The following PM20D2 variants were observed in gnomAD, a reference collection of about 807,000 sequenced individuals.
PM20D2 encodes the protein peptidase M20 domain containing 2, also known as xaa-Arg dipeptidase.
In PM20D2, 33 loss-of-function variants were observed where a neutral mutation model predicts 42.9. The ratio of observed to expected loss-of-function variants is 0.77; its 90% CI spans 0.58 to 1.03. PM20D2 has a LOEUF of 1.03. PM20D2 is among the 50% of genes least tolerant of loss of function. The pLI is 0.00. For missense variants in PM20D2, 548 were observed against 557.0 expected (o/e 0.98, Z 0.16); for synonymous variants, 250 against 228.2 (o/e 1.10, Z -0.86).
rs779074652 is a variant in PM20D2 at position 89,154,941 on chromosome 6, G to GT, written c.912+39_912+40insT. 7.1e-4 allele frequency: 1,077 copies of GT among 1,513,734 alleles called. 21 individuals carry two copies. In the East Asian group the frequency reaches 0.024, roughly 33 times the overall value. 93.8% of individuals were successfully genotyped at this position (1,513,734 alleles called of 1,614,324 possible). ...AAAGTTAATCTAAGTTACAATCAGA[G>GT]GTATATATGTGGGCTAGCACTGTTA... On this transcript the variant is annotated intron_variant, in intron 4 of 6. Coordinates refer to ENST00000275072, the MANE Select transcript of PM20D2 (RefSeq NM_001010853.3).
intron 1 of PM20D2, among the ~76,000 whole-genome samples, chr6:89,148,198 C>G (rs1770676192): frequency 6.6e-6 from 1 of 151,858 alleles, no homozygotes; most frequent in South Asian, 2.1e-4. Flanking sequence ...TGGCTGGTAT[C>G]GAACTCCGGA....
At chr6:89,158,720 G>T (rs1001074991) in intron 5 of PM20D2, among the ~76,000 whole-genome samples, 1 of 152,088 alleles carries the variant, frequency 6.6e-6, no homozygotes, top group African/African-American at 2.4e-5. Flanking sequence ...TTTAAGTTTC[G>T]TTAGTTTTAA....
chr6:89,123,736 AAAG>A, the PM20D2 span, among the ~76,000 whole-genome samples: 1 of 149,238 alleles, frequency 6.7e-6, no homozygotes, highest in Non-Finnish European at 1.5e-5. Flanking sequence ...AAAAAAAAAA[AAAG>A]GTTTATAGAC....
chr6:89,113,533 T>C, the PM20D2 span, among the ~76,000 whole-genome samples: 1 of 152,098 alleles, frequency 6.6e-6, no homozygotes, highest in African/African-American at 2.4e-5. Flanking sequence ...CATCTCGAAC[T>C]CCTGACCTCA....
At chr6:89,117,788 C>G in the PM20D2 span, 1 of 1,532,156 alleles carries the variant, frequency 6.5e-7, no homozygotes, top group Non-Finnish European at 8.7e-7. Context: ...CCCGCCCCTC[C>G]TCCGCGCCCC....
chr6:89,158,066 C>T (rs1168002706), intron 4 of PM20D2, among the ~76,000 whole-genome samples: 3 of 152,114 alleles, frequency 2.0e-5, no homozygotes, highest in African/African-American at 7.2e-5. Flanking sequence ...CTGAAGTTGA[C>T]ACTTGGTAGC....
At chr6:89,140,163 A>G in the PM20D2 span, among the ~76,000 whole-genome samples, 125,883 of 152,160 alleles carry the variant, frequency 0.83, 52,865 homozygotes, top group East Asian at 1. Context: ...GCTCAGGCTG[A>G]TCTCAAACCC....
chr6:89,143,937 A>G (rs1277897134), upstream of PM20D2, among the ~76,000 whole-genome samples: 1 of 152,260 alleles, frequency 6.6e-6, no homozygotes, highest in Admixed American at 6.5e-5. Flanking sequence ...ATAATCAGCC[A>G]ACAAATATTT....
intron 1 of PM20D2, among the ~76,000 whole-genome samples, chr6:89,147,139 A>G (rs1366940624): frequency 6.6e-6 from 1 of 152,242 alleles, no homozygotes; most frequent in African/African-American, 2.4e-5. Flanking sequence ...CTAGAAGTAT[A>G]CAAATAAAGG....
At chr6:89,103,795 C>G in the PM20D2 span, among the ~76,000 whole-genome samples, 4 of 152,040 alleles carry the variant, frequency 2.6e-5, no homozygotes, top group Non-Finnish European at 4.4e-5. Flanking sequence ...CACTATTATT[C>G]TAATAGAAAT....
chr6:89,112,934 T>C, the PM20D2 span, among the ~76,000 whole-genome samples: 3 of 152,106 alleles, frequency 2.0e-5, no homozygotes, highest in African/African-American at 7.2e-5. Flanking sequence ...TGTCTTAAAA[T>C]TGCCTGCGGT....
chr6:89,121,160 GTCT>G, the PM20D2 span, among the ~76,000 whole-genome samples: 1 of 152,142 alleles, frequency 6.6e-6, no homozygotes, highest in Non-Finnish European at 1.5e-5. Context: ...TGAGGAAAGG[GTCT>G]TCAACTGTGT....
At chr6:89,133,964 A>G in the PM20D2 span, among the ~76,000 whole-genome samples, 1 of 151,374 alleles carries the variant, frequency 6.6e-6, no homozygotes, top group Non-Finnish European at 1.5e-5. Context: ...TAGTGAATCC[A>G]TCTTGCAGGG....
At chr6:89,158,127 AG>A (rs1771113249) in intron 4 of PM20D2, among the ~76,000 whole-genome samples, 197 bp from the exon 5 acceptor site, 3 of 152,214 alleles carry the variant, frequency 2.0e-5, no homozygotes, top group African/African-American at 7.2e-5. Flanking sequence ...ATAGCATAAA[AG>A]AGAGTCCTAG....
At chr6:89,112,180 T>C in the PM20D2 span, among the ~76,000 whole-genome samples, 1 of 151,972 alleles carries the variant, frequency 6.6e-6, no homozygotes, top group Non-Finnish European at 1.5e-5. Flanking sequence ...CCTCCCAAAG[T>C]GCTGGAATTA....
chr6:89,106,402 C>T, the PM20D2 span, among the ~76,000 whole-genome samples: 9,554 of 152,100 alleles, frequency 0.063, 868 homozygotes, highest in African/African-American at 0.2. Context: ...CATGAGCCAC[C>T]GCACCCAGCC....
the PM20D2 span, among the ~76,000 whole-genome samples, chr6:89,100,832 G>A: frequency 8.2e-4 from 125 of 152,324 alleles, no homozygotes; most frequent in Admixed American, 2.0e-3. Context: ...ACTAGACTGG[G>A]TGCAGTGGCT....
the PM20D2 span, among the ~76,000 whole-genome samples, chr6:89,129,588 ATTTT>A: frequency 1.9e-5 from 2 of 106,692 alleles, no homozygotes. Flanking sequence ...TCTGTTTCTA[ATTTT>A]TTTTTTTTTT....
At chr6:89,107,731 C>A in the PM20D2 span, among the ~76,000 whole-genome samples, 2 of 151,962 alleles carry the variant, frequency 1.3e-5, no homozygotes, top group African/African-American at 2.4e-5. Context: ...CAGAGTGAGA[C>A]CCTGTCTCAA....
Sources: allele counts gnomAD v4.1 joint callset (sites outside exome capture counted in the v4.1 genomes callset), GRCh38; gene constraint gnomAD v4.1.1; transcripts MANE v1.5; gene names NCBI Gene and HGNC (gene_info 2026-07-23, HGNC 2026-07-21).